Variants in WDR75 observed in about 807,000 individuals in gnomAD.
The protein encoded by WDR75 is WD repeat-containing protein 75.
WDR75 carries 52 observed loss-of-function variants against 106.1 expected under a neutral mutation model. That is an observed-to-expected ratio of 0.49 (90% CI 0.39 to 0.62). WDR75 has a LOEUF of 0.62. Among genes scored for constraint, WDR75 ranks in the 20% least tolerant of loss-of-function variants. WDR75 has a pLI of 0.00. For missense variants in WDR75, 905 were observed against 970.3 expected (o/e 0.93, Z 0.89); for synonymous variants, 333 against 335.5 (o/e 0.99, Z 0.08).
At chr2:189,458,608 TA>T in intron 6 of WDR75, 144 bp from the exon 7 acceptor site, 19 of 605,294 alleles carry the variant, frequency 3.1e-5, no homozygotes, top group South Asian at 5.3e-5. Flanking sequence ...ATTTTCTTTT[TA>T]AAAAAAATCC....
At chr2:189,458,668 G>A (rs1314901157) in intron 6 of WDR75, 85 bp from the exon 7 acceptor site, 85 of 1,229,424 alleles carry the variant, frequency 6.9e-5, no homozygotes, top group Non-Finnish European at 9.0e-5. Flanking sequence ...GGTTGCTATT[G>A]CTGGGAACTC....
intron 8 of WDR75, among the ~76,000 whole-genome samples, chr2:189,459,918 T>C (rs1275378017): frequency 6.6e-6 from 1 of 152,224 alleles, no homozygotes; most frequent in Non-Finnish European, 1.5e-5. Flanking sequence ...ATTTTAGAGC[T>C]CTTGTTTTTA....
intron 6 of WDR75, among the ~76,000 whole-genome samples, chr2:189,458,401 T>G (rs533404005): frequency 1.3e-5 from 2 of 152,160 alleles, no homozygotes; most frequent in South Asian, 4.2e-4. Context: ...CAGGTTTGAT[T>G]ATGCCTCATG....
At chr2:189,460,891 A>T (rs1382487186) in intron 8 of WDR75, among the ~76,000 whole-genome samples, 1 of 152,228 alleles carries the variant, frequency 6.6e-6, no homozygotes, top group African/African-American at 2.4e-5. Flanking sequence ...GTTGTCAGTG[A>T]AATGTCCTTA....
At chr2:189,474,685 T>G in intron 19 of WDR75, 32 bp from the exon 20 acceptor site, 1 of 1,589,318 alleles carries the variant, frequency 6.3e-7, no homozygotes, top group Non-Finnish European at 8.6e-7. Flanking sequence ...ATAAGCTTTT[T>G]AATTGCAACC....
In WDR75 at chr2:189,475,459, T is replaced by C. The variant is rs781088571; in HGVS notation, c.*42T>C. Reference sequence around the variant, plus strand: ...GGATCCTTGGACTTTGTGTTTTTGATTGTATGTTGATATTCTAAAAACATC... The same window carrying C: ...GGATCCTTGGACTTTGTGTTTTTGACTGTATGTTGATATTCTAAAAACATC... On this transcript the variant is annotated 3_prime_UTR_variant, in exon 21 of 21. Transcript: ENST00000314761. The C allele has an allele frequency of 8.2e-7, 1 of 1,219,080 alleles. No homozygotes were observed. Among genetic ancestry groups the C allele is most frequent in the Non-Finnish European group, 1.2e-6 (1 of 859,822 alleles). 75.5% of individuals were successfully genotyped at this position (1,219,080 alleles called of 1,614,324 possible).
chr2:189,474,756 T>C lies in WDR75; in HGVS notation c.2236T>C (p.Phe746Leu). ...AGCCCATGTCCTGCCATCTGCTGCTTTCCTGTGCTCCATGTTTGTAAATTC... is the reference window on the plus strand; with the variant it reads ...AGCCCATGTCCTGCCATCTGCTGCTCTCCTGTGCTCCATGTTTGTAAATTC... ...TPAHVLPSAA[F>L]LCSMFVNSLL... The change falls in exon 20 of 21, where the codon TTC (phenylalanine) becomes CTC (leucine). Residue 746 changes from phenylalanine to leucine, a missense_variant. Phe to Leu is a conservative substitution (Grantham distance 22). Transcript: ENST00000314761. The C allele has an allele frequency of 6.2e-7, 1 of 1,614,092 alleles. No homozygotes were observed. Among genetic ancestry groups the C allele is most frequent in the Non-Finnish European group, 8.5e-7 (1 of 1,179,980 alleles).
At chr2:189,463,552 G>A in intron 9 of WDR75, 142 bp from the exon 10 acceptor site, 2 of 702,072 alleles carry the variant, frequency 2.8e-6, no homozygotes, top group Non-Finnish European at 2.3e-6. Context: ...TAGCTGATGA[G>A]CTAAAAATAA....
intron 14 of WDR75, 108 bp downstream of exon 14, chr2:189,467,756 G>C (rs947925142): frequency 1.7e-5 from 18 of 1,053,086 alleles, no homozygotes; most frequent in Non-Finnish European, 2.3e-5. Flanking sequence ...CTGAAGGTCA[G>C]TGGGGCAAGC....
At chr2:189,443,403 A>G (rs1032077990) in intron 1 of WDR75, among the ~76,000 whole-genome samples, 10 of 152,316 alleles carry the variant, frequency 6.6e-5, no homozygotes, top group Non-Finnish European at 1.3e-4. Context: ...TAAGGGAGGT[A>G]GTGGGAAATG....
chr2:189,467,970 G>C (rs1044556075), intron 14 of WDR75, among the ~76,000 whole-genome samples: 1 of 152,132 alleles, frequency 6.6e-6, no homozygotes, highest in Non-Finnish European at 1.5e-5. Context: ...CATAAAAACC[G>C]TGTTATGCGC....
rs200195848 is a variant in WDR75 at position 189,455,321 on chromosome 2, T to A, written c.375T>A (p.Asp125Glu). The A allele has an allele frequency of 2.5e-6, 4 of 1,613,668 alleles. No individual in the cohort carries two copies. In the African/African-American group the frequency reaches 4.0e-5, roughly 16 times the overall value. The change falls in exon 5 of 21, where the codon GAT becomes GAA. Residue 125 changes from aspartate (D) to glutamate (E), a missense_variant and splice_region_variant. Asp to Glu is a conservative substitution (Grantham distance 45). Coordinates refer to ENST00000314761, the MANE Select transcript of WDR75 (RefSeq NM_032168.3). The stretch of plus-strand genomic sequence containing the variant: ...ATTAATATAGCTTTCTTTGGCTAGA[T>A]ATATTTCAGCTGGTTTCAGTGAAAC... ...VFVIVNKEKP[D>E]IFQLVSVKLP...
At position 189,474,245 on chromosome 2, in the gene WDR75, G is replaced by A. The variant is rs1687168630; in HGVS notation, c.2109G>A (p.Arg703=). ...TTTATTTCATATTGGGAAAACACAG[G>A]CAACAGCAGGATGAAAAACTAAACG... ...TPFYFILGKH[R]QQQDEKLNET... The change falls in exon 19 of 21, where the codon AGG becomes AGA. Residue 703 remains arginine (R), a synonymous_variant. Transcript: ENST00000314761. 1.2e-6 allele frequency: 2 copies of A among 1,613,760 alleles called. No homozygotes were observed. The highest frequency in any genetic ancestry group is 1.7e-6 in the Non-Finnish European group (2 of 1,179,810).
rs947003033 is a variant in WDR75, at chr2:189,450,937, T to G, written c.251T>G (p.Leu84Arg). 4 of 1,611,174 alleles carry G rather than the reference T, an allele frequency of 2.5e-6. No homozygotes were observed. The highest frequency in any genetic ancestry group is 3.4e-6 in the Non-Finnish European group (4 of 1,179,310). Residue 84 changes from leucine to arginine, a missense_variant, in exon 3 of 21, where the codon CTG becomes CGG. Coordinates refer to ENST00000314761, the MANE Select transcript of WDR75 (RefSeq NM_032168.3). ...YSCSLDGTIK[L>R]WDYIDGILIK... ...TGTTCCCTTGATGGCACAATTAAACTGTGGGACTATATAGATGGCATCTTA... is the reference window on the plus strand; with the variant it reads ...TGTTCCCTTGATGGCACAATTAAACGGTGGGACTATATAGATGGCATCTTA...
In WDR75 at chr2:189,475,281, A is replaced by C. The variant is rs753990418; in HGVS notation, c.2357A>C (p.Asn786Thr). Residue 786 changes from asparagine (N) to threonine (T), a missense_variant, in exon 21 of 21, where the codon AAT becomes ACT. Coordinates refer to ENST00000314761, the MANE Select transcript of WDR75 (RefSeq NM_032168.3). ...EKESEDSDEE[N>T]DFTEKVQDTS... ...GAAAGTGAAGATTCAGATGAAGAAA[A>C]TGATTTTACCGAAAAAGTCCAGGAT... The C allele has an allele frequency of 3.7e-6, 6 of 1,613,412 alleles. No homozygotes were observed. The Admixed American group carries it at 6.7e-5, about 18-fold the overall frequency.
intron 1 of WDR75, among the ~76,000 whole-genome samples, chr2:189,447,953 G>A (rs1354241169): frequency 6.6e-6 from 1 of 152,150 alleles, no homozygotes; most frequent in Non-Finnish European, 1.5e-5. Flanking sequence ...GGAGATAACT[G>A]AATCATGGGG....
intron 2 of WDR75, 42 bp downstream of exon 2, chr2:189,448,550 G>C: frequency 6.3e-7 from 1 of 1,583,342 alleles, no homozygotes; most frequent in South Asian, 1.2e-5. Context: ...GACTGGCTTT[G>C]TTCTTGACAG....
In WDR75 at chr2:189,474,318, C is replaced by A; in HGVS notation, c.2182C>A (p.Pro728Thr). 6.2e-7 allele frequency: 1 copy of A among 1,609,252 alleles called. No homozygotes were observed. The highest frequency in any genetic ancestry group is 8.5e-7 in the Non-Finnish European group (1 of 1,178,652). ...LVQLPLTENI[P>T]AISELLHTPA... is the part of the protein sequence containing the mutation. ...ACAACTACCCTTAACAGAAAACATA[C>A]CCGCAATTAGTGAGGTAAGTAATTA... Residue 728 changes from proline (P) to threonine (T), a missense_variant, in exon 19 of 21, where the codon CCC becomes ACC. Transcript: ENST00000314761.
intron 4 of WDR75, among the ~76,000 whole-genome samples, chr2:189,453,457 A>G (rs1246781699): frequency 6.6e-6 from 1 of 152,110 alleles, no homozygotes; most frequent in African/African-American, 2.4e-5. Flanking sequence ...ATGATTCTAA[A>G]CACTGACTAC....
Sources: gnomAD v4.1 joint callset for allele counts (sites outside exome capture counted in the v4.1 genomes callset) on GRCh38, gnomAD v4.1.1 for gene constraint, MANE v1.5 for transcripts, NCBI Gene and HGNC (gene_info 2026-07-23, HGNC 2026-07-21) for gene names.